Variants in NINJ2 observed in about 807,000 individuals in gnomAD.
NINJ2 encodes the protein ninjurin 2, also known as ninjurin-2.
NINJ2 carries 12 observed loss-of-function variants against 11.7 expected under a neutral mutation model. The ratio of observed to expected loss-of-function variants is 1.02; its 90% CI spans 0.66 to 1.66. NINJ2 has a LOEUF of 1.66. Among genes scored for constraint, NINJ2 ranks in the 40% most tolerant of loss-of-function variants. The pLI, the probability that NINJ2 is intolerant of heterozygous loss-of-function variation, is 0.00. For missense variants in NINJ2, 187 were observed against 181.8 expected, an observed-to-expected ratio of 1.03 and a Z score of -0.16; for synonymous variants, 93 against 76.8, an observed-to-expected ratio of 1.21 and a Z score of -1.10.
intron 1 of NINJ2, among the ~76,000 whole-genome samples, chr12:658,317 A>G (rs1162444568): frequency 6.6e-6 from 1 of 152,094 alleles, no homozygotes; most frequent in Non-Finnish European, 1.5e-5. Flanking sequence ...GTGGCTTTAT[A>G]CAGAATGATA....
At chr12:589,868 T>C (rs1947695124) in intron 1 of NINJ2, among the ~76,000 whole-genome samples, 1 of 152,044 alleles carries the variant, frequency 6.6e-6, no homozygotes, top group African/African-American at 2.4e-5. Flanking sequence ...GACTCAGTTT[T>C]CCTCCGTGGG....
In NINJ2 at chr12:633,497, C is replaced by T. The variant is rs915369146; in HGVS notation, c.33+29831G>A. Among the ~76,000 whole-genome samples, 5 of 150,386 alleles carry T rather than the reference C, an allele frequency of 3.3e-5. No individual in the cohort carries two copies. The highest frequency in any genetic ancestry group is 7.4e-5 in the African/African-American group (3 of 40,702). ...CCTGGGCAACAGAAAGAGACTGTCT[C>T]CAAAAAAAAAAAATCATGTCATTTA... On this transcript the variant is annotated intron_variant, in intron 1 of 3. Coordinates refer to ENST00000305108, the MANE Select transcript of NINJ2 (RefSeq NM_016533.6). The surrounding 1 kb of genome is among the most constrained non-coding windows in gnomAD (Gnocchi z 4.3).
Position 581,159 on chromosome 12 carries a change from CTG to C in NINJ2, c.34-14983_34-14982del, listed in dbSNP as rs200335608. Among the ~76,000 whole-genome samples the C allele has an allele frequency of 5.0e-3, 713 of 142,662 alleles. 14 individuals are homozygous for C. The highest frequency in any genetic ancestry group is 0.017 in the African/African-American group (657 of 38,484). The allele number at this position is 142,662 out of a possible 152,430, so 93.6% of individuals were successfully genotyped here. On this transcript the variant is annotated intron_variant, in intron 1 of 3. Transcript: ENST00000305108. This position sits in a 1 kb window ranked among gnomAD's most constrained non-coding sequence, Gnocchi z 4.9. The stretch of plus-strand genomic sequence containing the variant: ...CCTCTGTGTGTGTGTGCATGTGTCT[CTG>C]TGTGTGTGTGTGTGTCTGTGTGTGT...
At position 633,449 on chromosome 12, in the gene NINJ2, G is replaced by A. The variant is rs746032530; in HGVS notation, c.33+29879C>T. On this transcript the variant is annotated intron_variant, in intron 1 of 3. Coordinates refer to ENST00000305108, the MANE Select transcript of NINJ2 (RefSeq NM_016533.6). This position sits in a 1 kb window ranked among gnomAD's most constrained non-coding sequence, Gnocchi z 4.3. ...CAGGAGGTGGACGCTGCAGTGAGCCGAGATGGTGCCACTGCATTCCAGCCT... is the reference window on the plus strand; with the variant it reads ...CAGGAGGTGGACGCTGCAGTGAGCCAAGATGGTGCCACTGCATTCCAGCCT... Among the ~76,000 whole-genome samples the A allele has an allele frequency of 1.3e-4, 19 of 151,878 alleles. No individual in the cohort carries two copies. Among genetic ancestry groups the A allele is most frequent in the Admixed American group, 9.2e-4 (14 of 15,244 alleles).
intron 1 of NINJ2, among the ~76,000 whole-genome samples, chr12:594,285 T>C (rs569096449): frequency 2.6e-5 from 4 of 152,328 alleles, no homozygotes; most frequent in Non-Finnish European, 4.4e-5. Flanking sequence ...AAAAAGTCCA[T>C]TGTTTTCCTA....
intron 1 of NINJ2, among the ~76,000 whole-genome samples, chr12:634,262 G>GTTTTTTTTTTTTTTTTTTT (rs1565643231): frequency 4.0e-5 from 3 of 75,622 alleles, no homozygotes; most frequent in Non-Finnish European, 5.7e-5. Context: ...ATTAGTTGCA[G>GTTTTTTTTTTTTTTTTTTT]TTCTTTTTTT....
intron 1 of NINJ2, among the ~76,000 whole-genome samples, chr12:660,498 G>A (rs990416904): frequency 1.3e-5 from 2 of 151,540 alleles, no homozygotes; most frequent in Non-Finnish European, 2.9e-5. Context: ...ACACCACCAC[G>A]CCTAGCTAAT....
At chr12:612,275 G>A (rs777200700) in intron 1 of NINJ2, among the ~76,000 whole-genome samples, 4 of 152,172 alleles carry the variant, frequency 2.6e-5, no homozygotes, top group Non-Finnish European at 5.9e-5. Context: ...GGCGTCTTGC[G>A]TCAGTGAAAC....
At chr12:593,899 G>C (rs1947748009) in intron 1 of NINJ2, among the ~76,000 whole-genome samples, 1 of 152,158 alleles carries the variant, frequency 6.6e-6, no homozygotes, top group Non-Finnish European at 1.5e-5. Flanking sequence ...ATTACAAATA[G>C]CTTAAATAAA....
chr12:580,970 A>ATG lies in NINJ2; in HGVS notation c.34-14794_34-14793dup, dbSNP rs148384574. On this transcript the variant is annotated intron_variant, in intron 1 of 3. Transcript: ENST00000305108. This position sits in a 1 kb window ranked among gnomAD's most constrained non-coding sequence, Gnocchi z 4.7. The stretch of plus-strand genomic sequence containing the variant: ...TGTGTATTCATGTGTGTTTGTGTGT[A>ATG]TGTGTGTGTCCATGTCTCTGTGCAT... Among the ~76,000 whole-genome samples, 1,504 of 140,048 alleles carry ATG rather than the reference A, an allele frequency of 0.011. 5 individuals carry two copies. The highest frequency in any genetic ancestry group is 0.015 in the Non-Finnish European group (946 of 65,008). The allele number at this position is 140,048 out of a possible 152,430, so 91.9% of individuals were successfully genotyped here. A position where few individuals can be genotyped will look rare whatever the true frequency, so the allele number is the denominator to read the frequency against.
intron 1 of NINJ2, among the ~76,000 whole-genome samples, chr12:569,912 T>C (rs890986942): frequency 1.3e-4 from 20 of 152,226 alleles, no homozygotes; most frequent in African/African-American, 4.8e-4. Context: ...CCCCGCCTGC[T>C]CCAGAGTGTC....
chr12:642,323 C>T (rs1948428744), intron 1 of NINJ2, among the ~76,000 whole-genome samples: 3 of 152,196 alleles, frequency 2.0e-5, no homozygotes, highest in Admixed American at 2.0e-4. Context: ...CTCCGCCTCC[C>T]GAGTTCAAGC....
At position 651,547 on chromosome 12, in the gene NINJ2, A is replaced by G. The variant is rs1421576195; in HGVS notation, c.33+11781T>C. On this transcript the variant is annotated intron_variant, in intron 1 of 3. Transcript: ENST00000305108. Reference sequence around the variant, plus strand: ...AGTTCCTTTTGCCTTATACATACCTATCAAGAAAAAATTACAAGGCATACT... The same window carrying G: ...AGTTCCTTTTGCCTTATACATACCTGTCAAGAAAAAATTACAAGGCATACT... Among the ~76,000 whole-genome samples the G allele has an allele frequency of 2.0e-5, 3 of 152,346 alleles. No homozygotes were observed. In the South Asian group the frequency reaches 6.2e-4, roughly 32 times the overall value.
In NINJ2 at chr12:634,753, A is replaced by G. The variant is rs776976065; in HGVS notation, c.33+28575T>C. Among the ~76,000 whole-genome samples, 233 of 152,330 alleles carry G rather than the reference A, an allele frequency of 1.5e-3. 1 individual carries two copies. Among genetic ancestry groups the G allele is most frequent in the Non-Finnish European group, 1.6e-3 (107 of 68,026 alleles). On this transcript the variant is annotated intron_variant, in intron 1 of 3. Coordinates refer to ENST00000305108, the MANE Select transcript of NINJ2 (RefSeq NM_016533.6). ...CCCAACGCTGACATTTTAAATGCTCATCTGAAAATTGGCACCTCCAGAATG... is the reference window on the plus strand; with the variant it reads ...CCCAACGCTGACATTTTAAATGCTCGTCTGAAAATTGGCACCTCCAGAATG...
At chr12:650,779 G>T (rs1347423366) in intron 1 of NINJ2, among the ~76,000 whole-genome samples, 1 of 152,162 alleles carries the variant, frequency 6.6e-6, no homozygotes, top group Non-Finnish European at 1.5e-5. Context: ...GAGACTTCTG[G>T]TTTCTGATTC....
intron 1 of NINJ2, among the ~76,000 whole-genome samples, chr12:647,189 G>A (rs1364827162): frequency 6.6e-6 from 1 of 152,186 alleles, no homozygotes; most frequent in Non-Finnish European, 1.5e-5. Context: ...TGCCCCGTGG[G>A]AAAGCCCACT....
At chr12:609,340 C>CCA (rs201768014) in intron 1 of NINJ2, among the ~76,000 whole-genome samples, 2,207 of 106,186 alleles carry the variant, frequency 0.021, 104 homozygotes, top group South Asian at 0.058. Flanking sequence ...ACGCACGGCG[C>CCA]CACGCTAGGT....
At chr12:657,988 C>CTTTTTTT (rs1164230214) in intron 1 of NINJ2, among the ~76,000 whole-genome samples, 3 of 54,396 alleles carry the variant, frequency 5.5e-5, no homozygotes, top group African/African-American at 7.5e-5. Context: ...CCTACACAGG[C>CTTTTTTT]TTTTTTTTTT....
rs183093445 is a variant in NINJ2, at chr12:634,323, G to T, written c.33+29005C>A. Among the ~76,000 whole-genome samples the T allele has an allele frequency of 2.7e-4, 33 of 120,386 alleles. No homozygotes were observed. The East Asian group carries it at 8.6e-3, about 32-fold the overall frequency. 79.0% of individuals were successfully genotyped at this position (120,386 alleles called of 152,430 possible). On this transcript the variant is annotated intron_variant, in intron 1 of 3. Transcript: ENST00000305108. ...CTCCCGGGCTGGAGTACAATGGCACGATCTCGGCTCACTGCAACCTCCGCC... is the reference window on the plus strand; with the variant it reads ...CTCCCGGGCTGGAGTACAATGGCACTATCTCGGCTCACTGCAACCTCCGCC...
Sources: gnomAD v4.1 joint callset for allele counts (sites outside exome capture counted in the v4.1 genomes callset) on GRCh38, gnomAD v4.1.1 for gene constraint, Gnocchi (gnomAD v3.1) non-coding constraint, MANE v1.5 for transcripts, NCBI Gene and HGNC (gene_info 2026-07-23, HGNC 2026-07-21) for gene names.